SLIT3: variants seen among roughly 807,000 people sequenced by gnomAD.
SLIT3 encodes the protein slit homolog 3 protein.
SLIT3 carries 68 observed loss-of-function variants against 184.0 expected under a neutral mutation model. The ratio of observed to expected loss-of-function variants is 0.37; its 90% confidence interval spans 0.30 to 0.45. The LOEUF (loss-of-function observed/expected upper bound fraction) is 0.45. SLIT3 is among the 20% of genes least tolerant of loss of function. SLIT3 has a pLI of 1.00. For missense variants in SLIT3, 1,707 were observed against 2,026.0 expected (o/e 0.84, Z 3.02); for synonymous variants, 831 against 828.6 (o/e 1.00, Z -0.05).
At chr5:168,955,880 C>T (rs555461697) in intron 4 of SLIT3, among the ~76,000 whole-genome samples, 6 of 152,268 alleles carry the variant, frequency 3.9e-5, no homozygotes, top group Admixed American at 3.9e-4. Flanking sequence ...CAGAGTATCT[C>T]CATTAGGAGC....
intron 4 of SLIT3, among the ~76,000 whole-genome samples, chr5:168,901,244 G>A (rs930870296): frequency 2.0e-5 from 3 of 152,104 alleles, no homozygotes; most frequent in Non-Finnish European, 4.4e-5. Flanking sequence ...GGCGCCTGTA[G>A]TCCCAGCTAC....
chr5:169,159,789 C>T (rs548266211), intron 4 of SLIT3, among the ~76,000 whole-genome samples: 9 of 151,758 alleles, frequency 5.9e-5, no homozygotes, highest in African/African-American at 7.3e-5. Flanking sequence ...AACAAACAAA[C>T]AAAAAAAAGC....
intron 4 of SLIT3, among the ~76,000 whole-genome samples, chr5:168,979,848 C>T (rs190298374): frequency 2.0e-5 from 3 of 152,296 alleles, no homozygotes; most frequent in African/African-American, 7.2e-5. Flanking sequence ...TCTATTTTAA[C>T]CTTCGTAGGT....
intron 5 of SLIT3, among the ~76,000 whole-genome samples, chr5:168,881,271 C>T (rs955761249): frequency 2.0e-5 from 3 of 152,046 alleles, no homozygotes; most frequent in Non-Finnish European, 2.9e-5. Flanking sequence ...CCTTTCAAGT[C>T]CTGAGGCCTT....
intron 4 of SLIT3, among the ~76,000 whole-genome samples, chr5:168,945,641 A>G (rs527743110): frequency 6.6e-6 from 1 of 152,200 alleles, no homozygotes; most frequent in Non-Finnish European, 1.5e-5. Context: ...TATACTTTTA[A>G]TATGTTCTAG....
At chr5:169,083,150 G>C (rs1305327487) in intron 4 of SLIT3, among the ~76,000 whole-genome samples, 2 of 152,164 alleles carry the variant, frequency 1.3e-5, no homozygotes, top group Non-Finnish European at 2.9e-5. Context: ...TCACACAAAG[G>C]TCTCAAACCA....
At chr5:168,890,263 G>C (rs1157643367) in intron 4 of SLIT3, among the ~76,000 whole-genome samples, 2 of 151,722 alleles carry the variant, frequency 1.3e-5, no homozygotes, top group Non-Finnish European at 2.9e-5. Context: ...AGATTTTACA[G>C]TTTATTTTAG....
chr5:169,054,807 C>T (rs576192078), intron 4 of SLIT3, among the ~76,000 whole-genome samples: 20 of 152,326 alleles, frequency 1.3e-4, no homozygotes, highest in Admixed American at 4.6e-4. Context: ...AACTCCTACA[C>T]ATCCTCCAAG....
In SLIT3 at chr5:169,176,722, T is replaced by C. The variant is rs182499916; in HGVS notation, c.413+16757A>G. Among the ~76,000 whole-genome samples the C allele has an allele frequency of 3.0e-3, 459 of 152,322 alleles. 2 individuals carry two copies. The highest frequency in any genetic ancestry group is 0.01 in the African/African-American group (430 of 41,572). ...AGCACCAAAGGGGCCATATAGCATA[T>C]GTAAATGAATAGGTGTGGCAGTGTT... On this transcript the variant is annotated intron_variant, in intron 4 of 35. Transcript: ENST00000519560.
intron 9 of SLIT3, among the ~76,000 whole-genome samples, chr5:168,804,343 G>GAAA (rs1756884768): frequency 8.8e-6 from 1 of 113,852 alleles, no homozygotes; most frequent in Non-Finnish European, 1.8e-5. Context: ...AAAAAAAGAT[G>GAAA]AAAGGGAAAC....
At position 169,133,167 on chromosome 5, in the gene SLIT3, C is replaced by T. The variant is rs17555773; in HGVS notation, c.413+60312G>A. ...TTATCCAAGTCGAGATATTATATTTCTACCTGTAGGCAGGAACTTCCTCTT... is the reference window on the plus strand; with the variant it reads ...TTATCCAAGTCGAGATATTATATTTTTACCTGTAGGCAGGAACTTCCTCTT... On this transcript the variant is annotated intron_variant, in intron 4 of 35. Coordinates refer to ENST00000519560, the MANE Select transcript of SLIT3 (RefSeq NM_003062.4). Among the ~76,000 whole-genome samples, 1,290 of 152,288 alleles carry T rather than the reference C, an allele frequency of 8.5e-3. 13 individuals carry two copies. Among genetic ancestry groups the T allele is most frequent in the Admixed American group, 0.014 (213 of 15,298 alleles).
chr5:169,112,032 G>A (rs923927961), intron 4 of SLIT3, among the ~76,000 whole-genome samples: 1 of 152,204 alleles, frequency 6.6e-6, no homozygotes, highest in East Asian at 1.9e-4. Flanking sequence ...AGCAAATGAG[G>A]GAGTTTGAAA....
chr5:168,686,001 A>T, intron 30 of SLIT3, 74 bp from the exon 31 acceptor site: 1 of 1,483,120 alleles, frequency 6.7e-7, no homozygotes, highest in Non-Finnish European at 9.0e-7. Context: ...ACTCAGGCCA[A>T]AGAACCTCGA....
rs749224256 is a variant in SLIT3, at chr5:169,300,658, G to C, written c.52C>G (p.Leu18Val). 25 of 1,433,380 alleles carry C rather than the reference G, an allele frequency of 1.7e-5. No homozygotes were observed. The African/African-American group carries it at 3.3e-4, about 19-fold the overall frequency. The allele number at this position is 1,433,380 out of a possible 1,614,324, so 88.8% of individuals were successfully genotyped here. A position where few individuals can be genotyped will look rare whatever the true frequency, so the allele number is the denominator to read the frequency against. Residue 18 changes from leucine (L) to valine (V), a missense_variant, in exon 1 of 36, where the codon CTG becomes GTG. This residue lies in a region of SLIT3 where 1,307 missense variants were observed against 1,511.6 expected (regional missense o/e 0.86). Transcript: ENST00000519560. This position sits in a 1 kb window ranked among gnomAD's most constrained non-coding sequence, Gnocchi z 4.1. ...VGAAVRARLA[L>V]ALALASVLSG... ...AGGACGCTCGCCAGCGCCAAGGCCAGCGCCAGGCGGGCGCGCACGGCGGCG... is the reference window on the plus strand; with the variant it reads ...AGGACGCTCGCCAGCGCCAAGGCCACCGCCAGGCGGGCGCGCACGGCGGCG...
chr5:169,263,644 C>CT, intron 1 of SLIT3: 1 of 502,412 alleles, frequency 2.0e-6, no homozygotes, highest in South Asian at 1.5e-5. Flanking sequence ...AACGTTCAGG[C>CT]TTTCTCTGGG....
chr5:168,755,875 G>A (rs192204892), intron 16 of SLIT3, among the ~76,000 whole-genome samples: 2,295 of 152,260 alleles, frequency 0.015, 64 homozygotes, highest in African/African-American at 0.052. Context: ...CTGCGAGTTA[G>A]CAGTTCTCCC....
rs140020110 is a variant in SLIT3, at chr5:169,054,924, A to T, written c.413+138555T>A. Among the ~76,000 whole-genome samples, 75 of 151,992 alleles carry T rather than the reference A, an allele frequency of 4.9e-4. No homozygotes were observed. In the Middle Eastern group the frequency reaches 0.02, roughly 41 times the overall value. The stretch of plus-strand genomic sequence containing the variant: ...GCACACATTTGTTCTGGTTCTTCCC[A>T]CATTGAACAGGTATCATGGACTTTT... On this transcript the variant is annotated intron_variant, in intron 4 of 35. Coordinates refer to ENST00000519560, the MANE Select transcript of SLIT3 (RefSeq NM_003062.4).
chr5:169,040,269 C>A (rs990352856), intron 4 of SLIT3, among the ~76,000 whole-genome samples: 1 of 151,906 alleles, frequency 6.6e-6, no homozygotes. Context: ...TATATTGGCT[C>A]AATAAAGCAT....
chr5:168,881,231 C>G (rs1403010802), intron 5 of SLIT3, among the ~76,000 whole-genome samples: 1 of 152,136 alleles, frequency 6.6e-6, no homozygotes, highest in Non-Finnish European at 1.5e-5. Context: ...GCTGGAGTGA[C>G]TTAGGAGTCT....
Sources: gnomAD v4.1 joint callset for allele counts (sites outside exome capture counted in the v4.1 genomes callset) on GRCh38, gnomAD v4.1.1 for gene constraint, gnomAD v4.1.1 regional missense constraint, Gnocchi (gnomAD v3.1) non-coding constraint, MANE v1.5 for transcripts, NCBI Gene and HGNC (gene_info 2026-07-23, HGNC 2026-07-21) for gene names.